Variants in SLC31A1 observed in about 807,000 individuals in gnomAD.
SLC31A1 encodes solute carrier family 31 member 1, also known as high affinity copper uptake protein 1.
Under a neutral mutation model 17.2 loss-of-function variants are expected in SLC31A1, and 5 were observed. The ratio of observed to expected loss-of-function variants is 0.29; its 90% CI spans 0.15 to 0.61. SLC31A1 has a LOEUF of 0.61. Ranked by LOEUF, SLC31A1 falls within the 20% of genes least tolerant of loss-of-function variation. The pLI, the probability that SLC31A1 is intolerant of heterozygous loss-of-function variation, is 0.86. For synonymous variants in SLC31A1, 76 were observed against 78.8 expected, an observed-to-expected ratio of 0.96 and a Z score of 0.19; for missense variants, 161 against 241.4, an observed-to-expected ratio of 0.67 and a Z score of 2.21.
intron 1 of SLC31A1, among the ~76,000 whole-genome samples, chr9:113,224,727 C>T (rs960457491): frequency 2.0e-5 from 3 of 152,218 alleles, no homozygotes; most frequent in African/African-American, 4.8e-5. Flanking sequence ...CGCACCCGGC[C>T]TTGTGTGCTC....
chr9:113,229,225 TA>T (rs1439955431), intron 1 of SLC31A1, among the ~76,000 whole-genome samples: 1 of 152,230 alleles, frequency 6.6e-6, no homozygotes, highest in African/African-American at 2.4e-5. Flanking sequence ...CAGTGAAAAG[TA>T]TTTCATTTAC....
At chr9:113,234,064 C>T (rs1008394100) in intron 1 of SLC31A1, among the ~76,000 whole-genome samples, 10 of 152,154 alleles carry the variant, frequency 6.6e-5, no homozygotes, top group African/African-American at 2.4e-4. Flanking sequence ...TCAATCCCAC[C>T]CTCACCCCAC....
Position 113,262,962 on chromosome 9 carries a change from C to G in SLC31A1, c.*2489C>G, listed in dbSNP as rs1273090962. The G allele has an allele frequency of 6.6e-6, 1 of 152,426 alleles. No homozygotes were observed. Among genetic ancestry groups the G allele is most frequent in the African/African-American group, 2.4e-5 (1 of 41,426 alleles). 9.4% of individuals were successfully genotyped at this position (152,426 alleles called of 1,614,324 possible). On this transcript the variant is annotated 3_prime_UTR_variant, in exon 5 of 5. Coordinates refer to ENST00000374212, the MANE Select transcript of SLC31A1 (RefSeq NM_001859.4). ...ATGGCTTGTGTCCAGAAGTTCGAGA[C>G]CAGCCTGGACAACATAGTGAGATCC...
chr9:113,231,453 A>G (rs1831402178), intron 1 of SLC31A1, among the ~76,000 whole-genome samples: 1 of 151,872 alleles, frequency 6.6e-6, no homozygotes, highest in South Asian at 2.1e-4. Flanking sequence ...GTTCCCAGCT[A>G]CTCTGGAGGC....
chr9:113,228,457 T>G (rs1305459353), intron 1 of SLC31A1, among the ~76,000 whole-genome samples: 1 of 152,228 alleles, frequency 6.6e-6, no homozygotes, highest in African/African-American at 2.4e-5. Flanking sequence ...TAAAAGACCT[T>G]TTCAGTTTGT....
chr9:113,232,648 A>G (rs1831413037), intron 1 of SLC31A1, among the ~76,000 whole-genome samples: 3 of 150,022 alleles, frequency 2.0e-5, no homozygotes, highest in African/African-American at 7.4e-5. Context: ...CCTGGCCAAC[A>G]TGGTGAAACC....
At chr9:113,245,342 CCTCCCAAAGTGCTGGGATTACAGCA>C (rs1055072836) in intron 1 of SLC31A1, among the ~76,000 whole-genome samples, 4 of 152,078 alleles carry the variant, frequency 2.6e-5, no homozygotes, top group Non-Finnish European at 4.4e-5. Context: ...CCCACCTCAG[CCTCCCAAAGTGCTGGGATTACAGCA>C]CTTTGTAATG....
intron 1 of SLC31A1, among the ~76,000 whole-genome samples, chr9:113,254,847 C>T (rs758452167): frequency 8.6e-5 from 13 of 151,652 alleles, no homozygotes; most frequent in African/African-American, 1.7e-4. Flanking sequence ...TGCAGTGAGC[C>T]GAGATCACAC....
intron 1 of SLC31A1, among the ~76,000 whole-genome samples, chr9:113,238,914 C>G (rs1175654228): frequency 6.6e-6 from 1 of 152,182 alleles, no homozygotes; most frequent in Non-Finnish European, 1.5e-5. Context: ...TAAACACTTG[C>G]TGTGTGTCTC....
chr9:113,249,298 CAAAAAA>C (rs56013452), intron 1 of SLC31A1, among the ~76,000 whole-genome samples: 1 of 118,046 alleles, frequency 8.5e-6, no homozygotes, highest in Non-Finnish European at 1.8e-5. Context: ...CCTCAATTGG[CAAAAAA>C]AAAAAAAAAA....
chr9:113,258,739 A>G lies in SLC31A1; in HGVS notation c.248A>G (p.Tyr83Cys), dbSNP rs1831756112. Residue 83 changes from tyrosine to cysteine, a missense_variant, in exon 4 of 5, where the codon TAT (tyrosine) becomes TGT (cysteine). Tyr to Cys is a radical substitution (Grantham distance 194). Transcript: ENST00000374212. The surrounding 1 kb of genome is among the most constrained non-coding windows in gnomAD (Gnocchi z 4.8). ...FVAVFLLAMF[Y>C]EGLKIARESL... ...GCAGTGTTTTTACTAGCAATGTTCTATGAAGGACTCAAGATAGCCCGAGAG... is the reference window on the plus strand; with the variant it reads ...GCAGTGTTTTTACTAGCAATGTTCTGTGAAGGACTCAAGATAGCCCGAGAG... The G allele has an allele frequency of 6.2e-7, 1 of 1,614,220 alleles. No individual in the cohort carries two copies. Among genetic ancestry groups the G allele is most frequent in the Non-Finnish European group, 8.5e-7 (1 of 1,180,040 alleles).
Position 113,258,067 on chromosome 9 carries a change from A to G in SLC31A1, c.203-627A>G, listed in dbSNP as rs1386024630. ...ATTCTTGGCACGGCCCATCTTAGAC[A>G]CTCCTAGTTTTGAGGTAGATGATTA... On this transcript the variant is annotated intron_variant, in intron 3 of 4. Coordinates refer to ENST00000374212, the MANE Select transcript of SLC31A1 (RefSeq NM_001859.4). The surrounding 1 kb of genome is among the most constrained non-coding windows in gnomAD (Gnocchi z 4.8). 6.6e-6 allele frequency among the ~76,000 whole-genome samples: 1 copy of G among 151,356 alleles called. No individual in the cohort carries two copies. The highest frequency in any genetic ancestry group is 1.5e-5 in the Non-Finnish European group (1 of 67,880).
chr9:113,238,232 G>A (rs1190378021), intron 1 of SLC31A1, among the ~76,000 whole-genome samples: 1 of 152,200 alleles, frequency 6.6e-6, no homozygotes, highest in Non-Finnish European at 1.5e-5. Context: ...CACAACTGGG[G>A]CAATGCTACT....
intron 1 of SLC31A1, among the ~76,000 whole-genome samples, chr9:113,253,914 A>G (rs1476193379): frequency 6.6e-6 from 1 of 151,720 alleles, no homozygotes; most frequent in African/African-American, 2.4e-5. Flanking sequence ...AGGAGAAAAT[A>G]AATAGATGGC....
intron 1 of SLC31A1, among the ~76,000 whole-genome samples, chr9:113,230,177 A>G (rs1831385683): frequency 1.3e-5 from 2 of 152,236 alleles, no homozygotes; most frequent in African/African-American, 4.8e-5. Flanking sequence ...ATAACTTTAC[A>G]AAGTGTATGA....
At chr9:113,251,428 T>A (rs7861707) in intron 1 of SLC31A1, among the ~76,000 whole-genome samples, 60,365 of 150,766 alleles carry the variant, frequency 0.4, 12,563 homozygotes, top group African/African-American at 0.51. Context: ...TCTAAAAAAA[T>A]AAAAAATAAA....
In SLC31A1 at chr9:113,249,011, G is replaced by T. The variant is rs1831616315; in HGVS notation, c.-35-7103G>T. Among the ~76,000 whole-genome samples, 3 of 152,272 alleles carry T rather than the reference G, an allele frequency of 2.0e-5. No individual in the cohort carries two copies. In the South Asian group the frequency reaches 6.2e-4, roughly 32 times the overall value. On this transcript the variant is annotated intron_variant, in intron 1 of 4. Transcript: ENST00000374212. ...GTACTTTGGTAGATGCTTTATGTAT[G>T]TTATCTCATATAATCCTCCCAAGAA... is the stretch of plus-strand genomic sequence containing the variant.
At chr9:113,239,948 A>G (rs1036193057) in intron 1 of SLC31A1, among the ~76,000 whole-genome samples, 1 of 152,178 alleles carries the variant, frequency 6.6e-6, no homozygotes, top group Non-Finnish European at 1.5e-5. Context: ...CCGCTCACTC[A>G]GTATGTTCTG....
intron 1 of SLC31A1, among the ~76,000 whole-genome samples, chr9:113,225,749 G>A (rs1415672847): frequency 6.6e-6 from 1 of 152,206 alleles, no homozygotes; most frequent in Non-Finnish European, 1.5e-5. Context: ...AGTCTTGGTA[G>A]AGAAGGACTT....
Sources: gnomAD v4.1 joint callset for allele counts (sites outside exome capture counted in the v4.1 genomes callset) on GRCh38, gnomAD v4.1.1 for gene constraint, Gnocchi (gnomAD v3.1) non-coding constraint, MANE v1.5 for transcripts, NCBI Gene and HGNC (gene_info 2026-07-23, HGNC 2026-07-21) for gene names.